Variants in GAK observed in about 807,000 individuals in gnomAD.
GAK encodes cyclin G associated kinase, also known as cyclin-G-associated kinase.
GAK carries 79 observed loss-of-function variants against 143.9 expected under a neutral mutation model. The observed-to-expected ratio is 0.55, with a 90% CI of 0.46 to 0.66. GAK has a LOEUF of 0.66. GAK is among the 30% of genes least tolerant of loss of function. The pLI is 0.00. For synonymous variants in GAK, 881 were observed against 765.5 expected, an observed-to-expected ratio of 1.15 and a Z score of -2.49; for missense variants, 1,693 against 1,779.7, an observed-to-expected ratio of 0.95 and a Z score of 0.88.
intron 23 of GAK, among the ~76,000 whole-genome samples, chr4:864,871 C>T (rs898570268): frequency 3.3e-5 from 5 of 152,230 alleles, no homozygotes; most frequent in Non-Finnish European, 5.9e-5. Context: ...GGGGGTGCTG[C>T]TGATGCTCAG....
intron 4 of GAK, among the ~76,000 whole-genome samples, 190 bp from the exon 5 acceptor site, chr4:904,969 C>T (rs910130132): frequency 1.3e-5 from 2 of 152,220 alleles, no homozygotes; most frequent in Admixed American, 1.3e-4. Context: ...AACTGCCTGA[C>T]TGCAGATCTC....
chr4:862,814 A>G (rs1246446066), intron 23 of GAK, among the ~76,000 whole-genome samples: 1 of 152,226 alleles, frequency 6.6e-6, no homozygotes, highest in Non-Finnish European at 1.5e-5. Flanking sequence ...CTTTCAAAAT[A>G]TGACTGTTCG....
intron 1 of GAK, among the ~76,000 whole-genome samples, chr4:924,243 G>C (rs900440625): frequency 1.3e-5 from 2 of 149,940 alleles, no homozygotes; most frequent in Non-Finnish European, 3.0e-5. Flanking sequence ...ATCACAATGA[G>C]ATCGACACCA....
In GAK at chr4:874,320, C is replaced by A. The variant is rs1456019452; in HGVS notation, c.2054+2210G>T. Among the ~76,000 whole-genome samples the A allele has an allele frequency of 2.0e-5, 3 of 152,244 alleles. No homozygotes were observed. In the East Asian group the frequency reaches 5.8e-4, roughly 29 times the overall value. On this transcript the variant is annotated intron_variant, in intron 18 of 27. Transcript: ENST00000314167. Reference sequence around the variant, plus strand: ...GGTGTCATTTCACCACAGAGTCATGCATTCCAGCCTCCCTGCCCTTCCTTC... The same window carrying A: ...GGTGTCATTTCACCACAGAGTCATGAATTCCAGCCTCCCTGCCCTTCCTTC...
At chr4:850,148 G>GTGCCT in intron 26 of GAK, 80 bp from the exon 27 acceptor site, 1 of 1,356,432 alleles carries the variant, frequency 7.4e-7, no homozygotes, top group Non-Finnish European at 1.0e-6. Context: ...GAGGCACGAC[G>GTGCCT]CTGAGGAAGT....
chr4:901,256 C>T (rs1577234770), intron 5 of GAK, among the ~76,000 whole-genome samples: 1 of 152,168 alleles, frequency 6.6e-6, no homozygotes, highest in Admixed American at 6.5e-5. Context: ...TTAGGCACCC[C>T]CACCCAGGGC....
chr4:849,556 C>T lies in GAK; in HGVS notation c.*117G>A, dbSNP rs973850167. On this transcript the variant is annotated 3_prime_UTR_variant, in exon 28 of 28. Transcript: ENST00000314167. ...GCTGGGCGGGCGGTGACCCGGGGCT[C>T]GGAGCCCCACCCTGGCCACACCTGC... 9.7e-6 allele frequency: 7 copies of T among 724,868 alleles called. No individual in the cohort carries two copies. The highest frequency in any genetic ancestry group is 3.5e-5 in the African/African-American group (2 of 56,560). The allele number at this position is 724,868 out of a possible 1,614,324, so 44.9% of individuals were successfully genotyped here. A position where few individuals can be genotyped will look rare whatever the true frequency, so the allele number is the denominator to read the frequency against.
At chr4:877,400 T>C (rs946346165) in intron 16 of GAK, among the ~76,000 whole-genome samples, 193 bp from the exon 17 acceptor site, 1 of 152,098 alleles carries the variant, frequency 6.6e-6, no homozygotes, top group Non-Finnish European at 1.5e-5. Flanking sequence ...CTCCTGCTGC[T>C]GACCAGGATC....
chr4:913,617 T>A lies in GAK; in HGVS notation c.197A>T (p.Tyr66Phe). ...TAAATGGTTCATTACCTTTAATGCATACTCTCTGCCACTCCCCACATCTTG... is the reference window on the plus strand; with the variant it reads ...TAAATGGTTCATTACCTTTAATGCAAACTCTCTGCCACTCCCCACATCTTG... ...EAQDVGSGREYALKRLLSNEE... is the reference protein window; with the variant it reads ...EAQDVGSGREFALKRLLSNEE... The change falls in exon 2 of 28, where the codon TAT becomes TTT. Residue 66 changes from tyrosine (Y) to phenylalanine (F), a missense_variant. Around this residue, in one of 2 missense-constraint regions of GAK, gnomAD observed 871 missense variants for 991.0 expected, o/e 0.88. Transcript: ENST00000314167. The A allele has an allele frequency of 1.9e-6, 3 of 1,613,138 alleles. No individual in the cohort carries two copies. The South Asian group carries it at 3.3e-5, about 18-fold the overall frequency.
At chr4:915,886 T>TAAAAA (rs1201313627) in intron 1 of GAK, 3 of 152,034 alleles carry the variant, frequency 2.0e-5, no homozygotes, top group Non-Finnish European at 4.4e-5. Flanking sequence ...GAAAAAGAAA[T>TAAAAA]AAAAGGCATC....
At position 849,991 on chromosome 4, in the gene GAK, C is replaced by G. The variant is rs776811156; in HGVS notation, c.3735G>C (p.Gly1245=). Residue 1245 remains glycine (G), a synonymous_variant, in exon 27 of 28, where the codon GGG becomes GGC. Transcript: ENST00000314167. ...LSTLHTVLWD[G]ESRWTPVGMA... is the part of the protein sequence containing the mutation. ...TGCCCACGGGCGTCCAGCGGCTCTC[C>G]CCGTCCCACAGCACTGTGTGCAGCG... is the stretch of plus-strand genomic sequence containing the variant. 3.1e-5 allele frequency: 50 copies of G among 1,611,252 alleles called. No homozygotes were observed. Among genetic ancestry groups the G allele is most frequent in the Admixed American group, 1.5e-4 (9 of 59,882 alleles).
At chr4:877,345 C>T in intron 16 of GAK, 138 bp from the exon 17 acceptor site, 1 of 681,994 alleles carries the variant, frequency 1.5e-6, no homozygotes, top group Non-Finnish European at 2.5e-6. Flanking sequence ...CATGAAGAGC[C>T]TCACAAGAAT....
At chr4:930,995 C>G (rs1725623196) in intron 1 of GAK, among the ~76,000 whole-genome samples, 1 of 152,216 alleles carries the variant, frequency 6.6e-6, no homozygotes, top group Admixed American at 6.5e-5. Flanking sequence ...CACTCCCTCT[C>G]CCTGTGCCAA....
chr4:913,570 G>A lies in GAK; in HGVS notation c.207+37C>T, dbSNP rs753507916. On this transcript the variant is annotated intron_variant, in intron 2 of 27. Transcript: ENST00000314167. ...GTCACCAGACAGTCCCTTTACATAC[G>A]TCAGAAATCCAGAGAAGGCGTTAAA... 9 of 1,527,430 alleles carry A rather than the reference G, an allele frequency of 5.9e-6. No individual in the cohort carries two copies. The Admixed American group carries it at 6.7e-5, about 11-fold the overall frequency. The allele number at this position is 1,527,430 out of a possible 1,614,324, so 94.6% of individuals were successfully genotyped here. A position where few individuals can be genotyped will look rare whatever the true frequency, so the allele number is the denominator to read the frequency against.
Position 883,314 on chromosome 4 carries a change from C to A in GAK, c.1404+1G>T. 1 of 1,613,122 alleles carries A rather than the reference C, an allele frequency of 6.2e-7. No homozygotes were observed. Among genetic ancestry groups the A allele is most frequent in the Non-Finnish European group, 8.5e-7 (1 of 1,179,870 alleles). Reference sequence around the variant, plus strand: ...CCAAGACAAAGCCTGTGGCCACACACCCGGTTGTGGAACCTGGAGGGCCGG... The same window carrying A: ...CCAAGACAAAGCCTGTGGCCACACAACCGGTTGTGGAACCTGGAGGGCCGG... On this transcript the variant is annotated splice_donor_variant, in intron 13 of 27. Transcript: ENST00000314167. LOFTEE classifies it high-confidence loss of function.
At chr4:868,441 C>G in intron 20 of GAK, 98 bp downstream of exon 20, 4 of 1,325,004 alleles carry the variant, frequency 3.0e-6, no homozygotes, top group Non-Finnish European at 4.1e-6. Context: ...TCAGCTCTGC[C>G]GGAGGCCCGT....
intron 1 of GAK, among the ~76,000 whole-genome samples, chr4:917,403 T>C (rs575315202): frequency 4.0e-4 from 59 of 148,346 alleles, no homozygotes; most frequent in African/African-American, 1.5e-3. Context: ...AATGGATCTA[T>C]AGTAACAGAA....
At chr4:898,191 T>G in intron 5 of GAK, 33 bp from the exon 6 acceptor site, 1 of 1,610,648 alleles carries the variant, frequency 6.2e-7, no homozygotes, top group Non-Finnish European at 8.5e-7. Flanking sequence ...CCCGTGAACT[T>G]GGCGTAGACA....
At chr4:894,924 G>A (rs914303759) in intron 7 of GAK, 8 of 152,154 alleles carry the variant, frequency 5.3e-5, no homozygotes, top group Admixed American at 5.2e-4. Context: ...AGGTTGCAGT[G>A]CGCCGAGATC....
Sources: allele counts gnomAD v4.1 joint callset (sites outside exome capture counted in the v4.1 genomes callset), GRCh38; gene constraint gnomAD v4.1.1; regional missense constraint gnomAD v4.1.1; transcripts MANE v1.5; gene names NCBI Gene and HGNC (gene_info 2026-07-23, HGNC 2026-07-21).